The following ALPK2 variants were observed in gnomAD, a reference collection of about 807,000 sequenced individuals.
ALPK2 encodes the protein alpha kinase 2, also known as alpha-protein kinase 2.
A neutral mutation model predicts 163.1 loss-of-function variants in ALPK2; 127 were observed. That is an observed-to-expected ratio of 0.78 (90% CI 0.67 to 0.90). The LOEUF is 0.90. Ranked by LOEUF, ALPK2 falls within the 40% of genes least tolerant of loss-of-function variation. The pLI is 0.00. For missense variants in ALPK2, 2,360 were observed against 2,589.6 expected, an observed-to-expected ratio of 0.91 and a Z score of 1.92; for synonymous variants, 953 against 959.1, an observed-to-expected ratio of 0.99 and a Z score of 0.12.
At chr18:58,592,394 C>T (rs925625553) in intron 3 of ALPK2, among the ~76,000 whole-genome samples, 3 of 152,190 alleles carry the variant, frequency 2.0e-5, no homozygotes, top group Non-Finnish European at 2.9e-5. Context: ...GGGGCCTGGG[C>T]CTTCAGGAAA....
At position 58,517,142 on chromosome 18, in the gene ALPK2, T is replaced by G. The variant is rs781021988; in HGVS notation, c.5706A>C (p.Glu1902Asp). 11 of 1,614,040 alleles carry G rather than the reference T, an allele frequency of 6.8e-6. No individual in the cohort carries two copies. In the Admixed American group the frequency reaches 1.0e-4, roughly 15 times the overall value. ...CAAAGTAGCTGTCATGGAGGAAGTC[T>G]TCTTTGAAGATGAGTTGGCTGAATT... ...EIEFSQLIFK[E>D]DFLHDSYFGG... The change falls in exon 9 of 13, where the codon GAA (glutamate) becomes GAC (aspartate). Residue 1902 changes from glutamate (E) to aspartate (D), a missense_variant. Coordinates refer to ENST00000361673, the MANE Select transcript of ALPK2 (RefSeq NM_052947.4).
chr18:58,494,524 G>A (rs896828540), intron 12 of ALPK2, among the ~76,000 whole-genome samples: 1 of 152,110 alleles, frequency 6.6e-6, no homozygotes, highest in Non-Finnish European at 1.5e-5. Context: ...GCATGACTGG[G>A]GTGTCAGCAG....
intron 12 of ALPK2, among the ~76,000 whole-genome samples, chr18:58,494,163 T>A (rs552416917): frequency 6.6e-6 from 1 of 152,302 alleles, no homozygotes; most frequent in South Asian, 2.1e-4. Context: ...TAATTTCCAA[T>A]TAGAAATTTG....
chr18:58,553,663 C>T (rs921756142), intron 4 of ALPK2, among the ~76,000 whole-genome samples: 1 of 151,986 alleles, frequency 6.6e-6, no homozygotes, highest in Non-Finnish European at 1.5e-5. Flanking sequence ...TTCTAAGGGC[C>T]TGTTCCCTGC....
chr18:58,593,447 C>T (rs1446601228), intron 3 of ALPK2, among the ~76,000 whole-genome samples: 1 of 150,826 alleles, frequency 6.6e-6, no homozygotes, highest in Non-Finnish European at 1.5e-5. Flanking sequence ...GCCTGTAATC[C>T]CAGCTACTTG....
At chr18:58,603,440 T>A (rs1177001275) in intron 3 of ALPK2, among the ~76,000 whole-genome samples, 9 of 152,316 alleles carry the variant, frequency 5.9e-5, no homozygotes, top group East Asian at 1.9e-4. Context: ...GCCTAGCCGA[T>A]GCCAGGGCAG....
intron 4 of ALPK2, among the ~76,000 whole-genome samples, chr18:58,540,483 G>A (rs1308668327): frequency 6.6e-6 from 1 of 152,156 alleles, no homozygotes; most frequent in Non-Finnish European, 1.5e-5. Context: ...ATGTGCATAT[G>A]CTTTCCTCTC....
chr18:58,515,890 T>C (rs977442528), intron 9 of ALPK2, among the ~76,000 whole-genome samples: 1 of 152,208 alleles, frequency 6.6e-6, no homozygotes, highest in African/African-American at 2.4e-5. Context: ...CCCAACTTTC[T>C]TGACAGCTAC....
intron 1 of ALPK2, among the ~76,000 whole-genome samples, chr18:58,619,816 A>C (rs1220261849): frequency 1.3e-5 from 2 of 152,244 alleles, no homozygotes; most frequent in Non-Finnish European, 2.9e-5. Context: ...AGAGAAATGA[A>C]AATGTATATT....
At chr18:58,609,031 G>C (rs2052113864) in intron 2 of ALPK2, among the ~76,000 whole-genome samples, 1 of 151,930 alleles carries the variant, frequency 6.6e-6, no homozygotes, top group Non-Finnish European at 1.5e-5. Flanking sequence ...ACGAAGTACA[G>C]AGGGAAGAAA....
chr18:58,624,079 C>T (rs2052216292), intron 1 of ALPK2, among the ~76,000 whole-genome samples: 1 of 152,210 alleles, frequency 6.6e-6, no homozygotes. Context: ...CGATTCCTCA[C>T]CCTTCCTGCT....
At chr18:58,611,015 A>C (rs1440201862) in intron 2 of ALPK2, among the ~76,000 whole-genome samples, 1 of 151,754 alleles carries the variant, frequency 6.6e-6, no homozygotes, top group Non-Finnish European at 1.5e-5. Flanking sequence ...AATTGCTTGA[A>C]ACCAAGAGGC....
intron 4 of ALPK2, among the ~76,000 whole-genome samples, chr18:58,571,786 G>A (rs1047385467): frequency 1.3e-5 from 2 of 152,012 alleles, no homozygotes; most frequent in Non-Finnish European, 2.9e-5. Flanking sequence ...GACCAGCCTG[G>A]CCAAAACAGT....
chr18:58,496,467 C>A (rs968620534), intron 12 of ALPK2, among the ~76,000 whole-genome samples: 2 of 152,220 alleles, frequency 1.3e-5, no homozygotes, highest in African/African-American at 4.8e-5. Flanking sequence ...GTTCTAAAAC[C>A]CAACTGGAAG....
At chr18:58,523,884 C>G in intron 7 of ALPK2, 43 bp from the exon 8 acceptor site, 1 of 1,614,176 alleles carries the variant, frequency 6.2e-7, no homozygotes, top group Admixed American at 1.7e-5. Context: ...TACAGATGTC[C>G]ATTGTGAACG....
At chr18:58,490,008 T>C (rs916368430) in intron 12 of ALPK2, among the ~76,000 whole-genome samples, 2 of 151,996 alleles carry the variant, frequency 1.3e-5, no homozygotes, top group Non-Finnish European at 2.9e-5. Flanking sequence ...TTGAATGAGG[T>C]TGCAGTGAGC....
chr18:58,614,750 T>C (rs1357703324), intron 1 of ALPK2, among the ~76,000 whole-genome samples: 3 of 152,056 alleles, frequency 2.0e-5, no homozygotes, highest in African/African-American at 2.4e-5. Flanking sequence ...GAGATATAAT[T>C]ACCATACCAT....
At chr18:58,544,213 A>G (rs997632452) in intron 4 of ALPK2, 1 of 152,238 alleles carries the variant, frequency 6.6e-6, no homozygotes, top group African/African-American at 2.4e-5. Flanking sequence ...TTAAGCTTGG[A>G]AACTTAACGC....
intron 1 of ALPK2, among the ~76,000 whole-genome samples, chr18:58,618,746 C>T (rs562918843): frequency 3.9e-5 from 6 of 152,324 alleles, no homozygotes; most frequent in Non-Finnish European, 7.3e-5. Context: ...AGTGATGTCA[C>T]GTTTTATTTT....
Sources: gnomAD v4.1 joint callset for allele counts (sites outside exome capture counted in the v4.1 genomes callset) on GRCh38, gnomAD v4.1.1 for gene constraint, MANE v1.5 for transcripts, NCBI Gene and HGNC (gene_info 2026-07-23, HGNC 2026-07-21) for gene names.